KIAA0825: variants seen among roughly 807,000 people sequenced by gnomAD.
KIAA0825 encodes KIAA0825.
In KIAA0825, 119 loss-of-function variants were observed where a neutral mutation model predicts 147.6. The observed-to-expected ratio is 0.81, with a 90% CI of 0.69 to 0.94. The LOEUF is 0.94. KIAA0825 is among the 40% of genes least tolerant of loss of function. The pLI, the probability that KIAA0825 is intolerant of heterozygous loss-of-function variation, is 0.00. For synonymous variants in KIAA0825, 470 were observed against 518.1 expected (o/e 0.91, Z 1.26); for missense variants, 1,381 against 1,472.7 (o/e 0.94, Z 1.02).
chr5:94,514,735 G>A (rs558821182), intron 5 of KIAA0825, among the ~76,000 whole-genome samples: 4 of 152,250 alleles, frequency 2.6e-5, no homozygotes, highest in Admixed American at 1.3e-4. Context: ...GAACTGAGTG[G>A]CTTTTGATTG....
intron 20 of KIAA0825, among the ~76,000 whole-genome samples, chr5:94,253,249 G>A (rs1204470239): frequency 5.3e-5 from 8 of 152,004 alleles, no homozygotes; most frequent in Admixed American, 1.3e-4. Flanking sequence ...TAGTGCAACC[G>A]TATGCTAGAT....
At chr5:94,484,302 G>T (rs1044798301) in intron 6 of KIAA0825, among the ~76,000 whole-genome samples, 2 of 151,132 alleles carry the variant, frequency 1.3e-5, no homozygotes. Context: ...ATAACATATC[G>T]AAATCTGAAG....
At chr5:94,422,704 T>G (rs1754355109) in intron 14 of KIAA0825, among the ~76,000 whole-genome samples, 1 of 152,160 alleles carries the variant, frequency 6.6e-6, no homozygotes, top group African/African-American at 2.4e-5. Flanking sequence ...AATATAAAAT[T>G]ATCCCAGTGT....
intron 16 of KIAA0825, among the ~76,000 whole-genome samples, chr5:94,401,691 C>T (rs554829261): frequency 1.3e-5 from 2 of 152,052 alleles, no homozygotes; most frequent in Non-Finnish European, 2.9e-5. Flanking sequence ...ATTTCTTTGT[C>T]TCTTCTCATA....
intron 13 of KIAA0825, among the ~76,000 whole-genome samples, chr5:94,440,383 C>G (rs1756918818): frequency 6.6e-6 from 1 of 152,120 alleles, no homozygotes; most frequent in African/African-American, 2.4e-5. Flanking sequence ...TTTCATGGAA[C>G]TATGTCTGTT....
intron 20 of KIAA0825, among the ~76,000 whole-genome samples, chr5:94,314,656 C>T (rs1039565383): frequency 1.3e-5 from 2 of 151,434 alleles, no homozygotes; most frequent in African/African-American, 4.8e-5. Flanking sequence ...TTGTTTTGTT[C>T]GCTGTATTCT....
intron 20 of KIAA0825, among the ~76,000 whole-genome samples, chr5:94,256,360 C>T (rs1431022244): frequency 1.3e-5 from 2 of 152,104 alleles, no homozygotes; most frequent in African/African-American, 4.8e-5. Context: ...ATGGGCTGAT[C>T]TCATCACTAA....
At chr5:94,302,469 A>G (rs1175095741) in intron 20 of KIAA0825, among the ~76,000 whole-genome samples, 1 of 152,132 alleles carries the variant, frequency 6.6e-6, no homozygotes, top group African/African-American at 2.4e-5. Flanking sequence ...CAGTACATCA[A>G]TTCAAGCATC....
chr5:94,192,031 C>T (rs1338857431), intron 20 of KIAA0825, among the ~76,000 whole-genome samples: 1 of 152,120 alleles, frequency 6.6e-6, no homozygotes, highest in Non-Finnish European at 1.5e-5. Flanking sequence ...AAAAGATGCA[C>T]AAAAAAAGAA....
At chr5:94,494,430 T>C (rs1245869589) in intron 5 of KIAA0825, among the ~76,000 whole-genome samples, 1 of 151,886 alleles carries the variant, frequency 6.6e-6, no homozygotes, top group East Asian at 1.9e-4. Context: ...TGGCTTACAT[T>C]TGAATTCAGC....
intron 14 of KIAA0825, among the ~76,000 whole-genome samples, chr5:94,428,660 T>C (rs1385982394): frequency 6.6e-6 from 1 of 152,218 alleles, no homozygotes; most frequent in South Asian, 2.1e-4. Flanking sequence ...CTGGCCATTT[T>C]TTCTAGCTGC....
At chr5:94,384,318 C>T (rs1226172234) in intron 20 of KIAA0825, 50 bp downstream of exon 20, 4 of 1,375,346 alleles carry the variant, frequency 2.9e-6, no homozygotes, top group African/African-American at 2.9e-5. Flanking sequence ...CACACGCACA[C>T]ACACAACCTT....
rs1402147395 is a variant in KIAA0825, at chr5:94,539,725, A to C, written c.-1-2598T>G. Among the ~76,000 whole-genome samples the C allele has an allele frequency of 3.3e-5, 5 of 152,040 alleles. No homozygotes were observed. The South Asian group carries it at 6.2e-4, about 19-fold the overall frequency. On this transcript the variant is annotated intron_variant, in intron 2 of 20. Coordinates refer to ENST00000682413, the MANE Select transcript of KIAA0825 (RefSeq NM_001145678.3). Reference sequence around the variant, plus strand: ...CACTGGGTTAGAGTTCCCTCTTAATAAAAGGCAGGGATGCTTGGCCAACCT... The same window carrying C: ...CACTGGGTTAGAGTTCCCTCTTAATCAAAGGCAGGGATGCTTGGCCAACCT...
At chr5:94,535,650 T>C (rs1771853207) in intron 3 of KIAA0825, among the ~76,000 whole-genome samples, 1 of 152,186 alleles carries the variant, frequency 6.6e-6, no homozygotes, top group Non-Finnish European at 1.5e-5. Context: ...ACCTGGGAGC[T>C]ATCTTCTTGA....
intron 1 of KIAA0825, among the ~76,000 whole-genome samples, chr5:94,592,190 G>T (rs1784475324): frequency 6.6e-6 from 1 of 152,138 alleles, no homozygotes; most frequent in South Asian, 2.1e-4. Context: ...TTTCACCTGA[G>T]ATGAGGCAAA....
In KIAA0825 at chr5:94,252,570, T is replaced by C. The variant is rs1303608054; in HGVS notation, c.3711-98446A>G. 3.3e-5 allele frequency among the ~76,000 whole-genome samples: 5 copies of C among 151,974 alleles called. No homozygotes were observed. The East Asian group carries it at 9.6e-4, about 29-fold the overall frequency. On this transcript the variant is annotated intron_variant, in intron 20 of 20. Transcript: ENST00000682413. ...ATTAATTTACATTATGAGTTAACTA[T>C]TTGAAATTTAGCATTAGTTCATCAG...
chr5:94,373,262 G>A (rs913041658), intron 20 of KIAA0825, among the ~76,000 whole-genome samples: 4 of 152,040 alleles, frequency 2.6e-5, no homozygotes, highest in African/African-American at 9.7e-5. Flanking sequence ...TTCCAAAGTC[G>A]CTTCCACATT....
chr5:94,558,830 A>G (rs1777041254), intron 2 of KIAA0825, among the ~76,000 whole-genome samples: 1 of 152,206 alleles, frequency 6.6e-6, no homozygotes. Flanking sequence ...CCACAAGTGC[A>G]TTCCCTATAC....
At chr5:94,402,815 GA>G (rs1187376304) in intron 16 of KIAA0825, among the ~76,000 whole-genome samples, 2 of 150,798 alleles carry the variant, frequency 1.3e-5, no homozygotes, top group Non-Finnish European at 2.9e-5. Flanking sequence ...GAATATGAAA[GA>G]AAAAAGTTTT....
Sources: gnomAD v4.1 joint callset for allele counts (sites outside exome capture counted in the v4.1 genomes callset) on GRCh38, gnomAD v4.1.1 for gene constraint, MANE v1.5 for transcripts, NCBI Gene and HGNC (gene_info 2026-07-23, HGNC 2026-07-21) for gene names.